The following ZNF626 variants were observed in gnomAD, a reference collection of about 807,000 sequenced individuals.
ZNF626 encodes the protein CTC-513N18.7.
ZNF626 carries 4 observed loss-of-function variants against 11.7 expected under a neutral mutation model. That is an observed-to-expected ratio of 0.34 (90% confidence interval 0.17 to 0.78). The LOEUF (loss-of-function observed/expected upper bound fraction) is 0.78, where lower values mean the gene tolerates loss of function less well. Among genes scored for constraint, ZNF626 ranks in the 30% least tolerant of loss-of-function variants. ZNF626 has a pLI of 0.57. For synonymous variants in ZNF626, 179 were observed against 198.6 expected (o/e 0.90, Z 0.83); for missense variants, 588 against 587.1 (o/e 1.00, Z -0.01).
At chr19:20,639,642 TA>T (rs1269298058) in intron 3 of ZNF626, among the ~76,000 whole-genome samples, 1 of 152,104 alleles carries the variant, frequency 6.6e-6, no homozygotes, top group Admixed American at 6.6e-5. Context: ...AAAACTGAGG[TA>T]AAAGGATCAC....
chr19:20,636,947 G>A (rs185156252), intron 3 of ZNF626, among the ~76,000 whole-genome samples: 53 of 150,766 alleles, frequency 3.5e-4, no homozygotes, highest in Non-Finnish European at 3.8e-4. Context: ...CTTGAATCAA[G>A]GAGGTGGCGA....
At chr19:20,639,020 T>C (rs540783475) in intron 3 of ZNF626, among the ~76,000 whole-genome samples, 1 of 152,304 alleles carries the variant, frequency 6.6e-6, no homozygotes, top group African/African-American at 2.4e-5. Flanking sequence ...GAAGTGTGTG[T>C]CAACAACTGC....
Position 20,660,943 on chromosome 19 carries a change from A to C in ZNF626, c.3+501T>G, listed in dbSNP as rs73537387. On this transcript the variant is annotated intron_variant, in intron 1 of 3. Coordinates refer to ENST00000601440, the MANE Select transcript of ZNF626 (RefSeq NM_001076675.3). ...ATGACCAGAAAGTTGAGTCATTTAA[A>C]AGGAACTTAGTTGTCCTAACACCTC... 9.1e-3 allele frequency among the ~76,000 whole-genome samples: 1,385 copies of C among 152,092 alleles called. 19 individuals carry two copies. The highest frequency in any genetic ancestry group is 0.032 in the African/African-American group (1,336 of 41,484).
rs1257231854 is a variant in ZNF626, at chr19:20,621,546, A to G, written c.*2744T>C. The G allele has an allele frequency of 6.6e-6, 1 of 152,244 alleles. No homozygotes were observed. The highest frequency in any genetic ancestry group is 2.4e-5 in the African/African-American group (1 of 41,470). The allele number at this position is 152,244 out of a possible 1,614,324, so 9.4% of individuals were successfully genotyped here. On this transcript the variant is annotated 3_prime_UTR_variant, in exon 4 of 4. Coordinates refer to ENST00000601440, the MANE Select transcript of ZNF626 (RefSeq NM_001076675.3). ...TATAATTACACTGTTTGGATTAGAA[A>G]GGATAAATGCTAGAGGTGACAGATA...
intron 1 of ZNF626, among the ~76,000 whole-genome samples, chr19:20,653,470 T>C (rs1970169366): frequency 6.6e-6 from 1 of 151,996 alleles, no homozygotes; most frequent in African/African-American, 2.4e-5. Context: ...CATCTGTGTA[T>C]GCTAATTACT....
intron 3 of ZNF626, among the ~76,000 whole-genome samples, chr19:20,640,206 T>A (rs1443080488): frequency 3.6e-5 from 5 of 139,580 alleles, no homozygotes; most frequent in Admixed American, 2.2e-4. Flanking sequence ...TTTAATTTTT[T>A]AATATTAAAT....
rs1555771889 is a variant in ZNF626, at chr19:20,646,259, T to C, written c.130+20A>G. 4 of 1,608,644 alleles carry C rather than the reference T, an allele frequency of 2.5e-6. No homozygotes were observed. The South Asian group carries it at 4.4e-5, about 18-fold the overall frequency. On this transcript the variant is annotated intron_variant, in intron 2 of 3. Transcript: ENST00000601440. ...TAAATAAAATCTATAGGGTATATTA[T>C]GTACTCAAGTTATCCTCACCAAGGA...
intron 1 of ZNF626, among the ~76,000 whole-genome samples, chr19:20,660,802 C>T (rs1404698296): frequency 2.6e-5 from 4 of 152,194 alleles, no homozygotes; most frequent in African/African-American, 9.7e-5. Context: ...ACAATCTAAG[C>T]TGATCCTGGT....
At chr19:20,633,594 T>G (rs1969933432) in intron 3 of ZNF626, among the ~76,000 whole-genome samples, 1 of 152,178 alleles carries the variant, frequency 6.6e-6, no homozygotes, top group African/African-American at 2.4e-5. Flanking sequence ...CTGAGCTGGG[T>G]GAGGGATATA....
At chr19:20,661,351 G>C in intron 1 of ZNF626, 93 bp downstream of exon 1, 1 of 1,521,846 alleles carries the variant, frequency 6.6e-7, no homozygotes, top group South Asian at 1.1e-5. Flanking sequence ...CTGTGGAGCT[G>C]ACTGCGGGGA....
chr19:20,635,487 T>C (rs1969956425), intron 3 of ZNF626, among the ~76,000 whole-genome samples: 1 of 152,140 alleles, frequency 6.6e-6, no homozygotes, highest in Non-Finnish European at 1.5e-5. Flanking sequence ...CACGCCTGGC[T>C]AATTTTTTGT....
chr19:20,659,232 A>G (rs1970237682), intron 1 of ZNF626, among the ~76,000 whole-genome samples: 1 of 152,048 alleles, frequency 6.6e-6, no homozygotes, highest in South Asian at 2.1e-4. Flanking sequence ...ATTTGTCTTC[A>G]GTGGTCAAAA....
intron 3 of ZNF626, chr19:20,645,384 CTG>C: frequency 1.3e-6 from 2 of 1,595,958 alleles, no homozygotes; most frequent in Non-Finnish European, 1.7e-6. Flanking sequence ...AGCAGCCACA[CTG>C]TGCAGTCTCT....
intron 3 of ZNF626, among the ~76,000 whole-genome samples, chr19:20,633,612 G>A (rs1304510589): frequency 2.0e-5 from 3 of 152,202 alleles, no homozygotes; most frequent in African/African-American, 7.2e-5. Context: ...ATAATATCCT[G>A]GTGTGCCGTT....
chr19:20,625,841 A>C (rs1316693664), intron 3 of ZNF626, among the ~76,000 whole-genome samples, 191 bp from the exon 4 acceptor site: 1 of 53,186 alleles, frequency 1.9e-5, no homozygotes, highest in Non-Finnish European at 6.1e-5. Flanking sequence ...TTTGTAAAAA[A>C]CTTATAATAA....
intron 3 of ZNF626, among the ~76,000 whole-genome samples, chr19:20,629,789 G>C (rs553844178): frequency 1.1e-3 from 170 of 152,184 alleles, no homozygotes; most frequent in Non-Finnish European, 2.2e-3. Context: ...CTGCCTGATT[G>C]CCCTGGCCAG....
At chr19:20,649,815 G>A (rs1970125654) in intron 1 of ZNF626, among the ~76,000 whole-genome samples, 1 of 106,832 alleles carries the variant, frequency 9.4e-6, no homozygotes, top group East Asian at 3.0e-4. Flanking sequence ...CAATGCTGAT[G>A]TTGCTCCCCC....
intron 3 of ZNF626, among the ~76,000 whole-genome samples, chr19:20,644,102 C>A (rs919612648): frequency 6.6e-5 from 10 of 152,328 alleles, no homozygotes; most frequent in African/African-American, 2.4e-4. Flanking sequence ...CTATTTACAG[C>A]CATGTAGGCA....
intron 3 of ZNF626, among the ~76,000 whole-genome samples, chr19:20,637,181 A>G (rs782209667): frequency 5.3e-5 from 8 of 152,194 alleles, no homozygotes; most frequent in African/African-American, 9.6e-5. Context: ...AGAATATAAA[A>G]AACAATATGT....
Sources: allele counts gnomAD v4.1 joint callset (sites outside exome capture counted in the v4.1 genomes callset), GRCh38; gene constraint gnomAD v4.1.1; transcripts MANE v1.5; gene names NCBI Gene and HGNC (gene_info 2026-07-23, HGNC 2026-07-21).